The following CD3D variants were observed in gnomAD, a reference collection of about 807,000 sequenced individuals.
CD3D encodes the protein CD3 delta subunit of T-cell receptor complex.
CD3D carries 22 observed loss-of-function variants against 22.0 expected under a neutral mutation model. The observed-to-expected ratio is 1.00, with a 90% confidence interval of 0.71 to 1.43. The LOEUF (loss-of-function observed/expected upper bound fraction) is 1.43, where lower values mean the gene tolerates loss of function less well. CD3D is among the 40% of genes most tolerant of loss of function. The pLI is 0.00. For missense variants in CD3D, 205 were observed against 211.7 expected (o/e 0.97, Z 0.20); for synonymous variants, 74 against 81.2 (o/e 0.91, Z 0.48).
chr11:118,342,327 T>C lies in CD3D; in HGVS notation c.55+226A>G, dbSNP rs141588734. 7.9e-4 allele frequency among the ~76,000 whole-genome samples: 120 copies of C among 152,222 alleles called. 1 individual carries two copies. The highest frequency in any genetic ancestry group is 2.8e-3 in the African/African-American group (118 of 41,526). ...CTGGGACTACAGTTGTGCACCACCA[T>C]GCCTGGCTAATTCTTTTGTTTTTTG... On this transcript the variant is annotated intron_variant, in intron 1 of 4. Coordinates refer to ENST00000300692, the MANE Select transcript of CD3D (RefSeq NM_000732.6).
rs572315717 is a variant in CD3D, at chr11:118,340,393, C to T, written c.256G>A (p.Val86Met). The change falls in exon 2 of 5, where the codon GTG becomes ATG. Residue 86 changes from valine to methionine, a missense_variant. Coordinates refer to ENST00000300692, the MANE Select transcript of CD3D (RefSeq NM_000732.6). ...CACGTACTTCGATAATGAACTTGCA[C>T]GGTAGATTCTTTGTCCTTGTATATA... Reference protein sequence around the residue: ...TDIYKDKESTVQVHYRMCQSC... With the variant: ...TDIYKDKESTMQVHYRMCQSC... 1.7e-5 allele frequency: 27 copies of T among 1,613,814 alleles called. No homozygotes were observed. The highest frequency in any genetic ancestry group is 9.9e-5 in the South Asian group (9 of 91,070).
In CD3D at chr11:118,339,083, A is replaced by C. The variant is rs1199405446; in HGVS notation, c.*79T>G. 7.9e-7 allele frequency: 1 copy of C among 1,266,350 alleles called. No individual in the cohort carries two copies. Among genetic ancestry groups the C allele is most frequent in the Non-Finnish European group, 1.2e-6 (1 of 862,932 alleles). The allele number at this position is 1,266,350 out of a possible 1,614,324, so 78.4% of individuals were successfully genotyped here. On this transcript the variant is annotated 3_prime_UTR_variant, in exon 5 of 5. Transcript: ENST00000300692. Reference sequence around the variant, plus strand: ...GAAGCCCAGGCACCTGCTGAGTGAAAGAGGATATATTTATTGGCTGAGCAA... The same window carrying C: ...GAAGCCCAGGCACCTGCTGAGTGAACGAGGATATATTTATTGGCTGAGCAA...
chr11:118,340,913 G>A (rs906694784), intron 1 of CD3D: 3 of 571,220 alleles, frequency 5.3e-6, no homozygotes, highest in Admixed American at 2.2e-5. Context: ...AGTAGGGGGA[G>A]CACGGACCAC....
chr11:118,342,047 C>A (rs76514660), intron 1 of CD3D, among the ~76,000 whole-genome samples: 1,892 of 152,250 alleles, frequency 0.012, 42 homozygotes, highest in African/African-American at 0.043. Flanking sequence ...CATTCTAGGC[C>A]CACATGCACC....
chr11:118,339,002 A>G, downstream of CD3D: 1 of 742,478 alleles, frequency 1.3e-6, no homozygotes, highest in South Asian at 1.4e-5. Context: ...GGTAGGTAGG[A>G]GGGCGAGATC....
rs201512190 is a variant in CD3D at position 118,342,698 on chromosome 11, C to T, written c.-91G>A. 9.3e-7 allele frequency: 1 copy of T among 1,071,916 alleles called. No individual in the cohort carries two copies. The highest frequency in any genetic ancestry group is 1.6e-5 in the African/African-American group (1 of 64,138). The allele number at this position is 1,071,916 out of a possible 1,614,324, so 66.4% of individuals were successfully genotyped here. On this transcript the variant is annotated 5_prime_UTR_variant, in exon 1 of 5. Transcript: ENST00000300692. ...CCCTCCCCTAGCTGACTCACAGGTACCGGAAAGAGGAGAGTGGGGGAGGAA... is the reference window on the plus strand; with the variant it reads ...CCCTCCCCTAGCTGACTCACAGGTATCGGAAAGAGGAGAGTGGGGGAGGAA...
At position 118,339,770 on chromosome 11, in the gene CD3D, C is replaced by T. The variant is rs201527689; in HGVS notation, c.406+5G>A. On this transcript the variant is annotated splice_donor_5th_base_variant and intron_variant, in intron 3 of 4. Transcript: ENST00000300692. Reference sequence around the variant, plus strand: ...CACACTCTCATGCTCTGCTCTTCCACTAACCCCCAGACAGCCTTCCAGTCT... The same window carrying T: ...CACACTCTCATGCTCTGCTCTTCCATTAACCCCCAGACAGCCTTCCAGTCT... The T allele has an allele frequency of 5.8e-5, 93 of 1,613,532 alleles. No homozygotes were observed. Among genetic ancestry groups the T allele is most frequent in the Non-Finnish European group, 7.7e-5 (91 of 1,179,946 alleles).
At position 118,342,575 on chromosome 11, in the gene CD3D, T is replaced by A; in HGVS notation, c.33A>T (p.Val11=). Residue 11 remains valine, a synonymous_variant, in exon 1 of 5, where the codon GTA becomes GTT. Transcript: ENST00000300692. MEHSTFLSGL[V]LATLLSQVSP... ...TACCTTGCGAGAGAAGGGTAGCCAGTACCAGGCCAGAGAGAAACGTGCTAT... is the reference window on the plus strand; with the variant it reads ...TACCTTGCGAGAGAAGGGTAGCCAGAACCAGGCCAGAGAGAAACGTGCTAT... 4 of 1,613,712 alleles carry A rather than the reference T, an allele frequency of 2.5e-6. No homozygotes were observed. Among genetic ancestry groups the A allele is most frequent in the Non-Finnish European group, 2.5e-6 (3 of 1,179,752 alleles).
rs960253005 is a variant in CD3D, at chr11:118,340,428, T to C, written c.221A>G (p.Asn74Ser). Residue 74 changes from asparagine (N) to serine (S), a missense_variant, in exon 2 of 5, where the codon AAT becomes AGT. By Grantham distance (46) the Asn-to-Ser change is conservative. Coordinates refer to ENST00000300692, the MANE Select transcript of CD3D (RefSeq NM_000732.6). ...ILDPRGIYRC[N>S]GTDIYKDKES... ...TTTGTCCTTGTATATATCTGTCCCA[T>C]TACACCTATATATTCCTCGTGGGTC... 3.1e-6 allele frequency: 5 copies of C among 1,614,088 alleles called. No homozygotes were observed. Among genetic ancestry groups the C allele is most frequent in the Non-Finnish European group, 3.4e-6 (4 of 1,179,944 alleles).
chr11:118,340,904 G>A (rs1948294635), intron 1 of CD3D: 1 of 582,726 alleles, frequency 1.7e-6, no homozygotes, highest in Non-Finnish European at 3.2e-6. Context: ...CTGATGAGGA[G>A]TAGGGGGAGC....
chr11:118,338,996 G>A, downstream of CD3D: 1 of 725,674 alleles, frequency 1.4e-6, no homozygotes, highest in Non-Finnish European at 2.6e-6. Context: ...GAAACAGGTA[G>A]GTAGGAGGGC....
chr11:118,342,599 A>G lies in CD3D; in HGVS notation c.9T>C (p.His3=). ME[H]STFLSGLVLA... ...GTACCAGGCCAGAGAGAAACGTGCT[A>G]TGTTCCATCTCCCAGCGGAACTCAT... The change falls in exon 1 of 5, where the codon CAT becomes CAC. Residue 3 remains histidine, a synonymous_variant. Transcript: ENST00000300692. The G allele has an allele frequency of 1.9e-6, 3 of 1,613,724 alleles. No individual in the cohort carries two copies. The highest frequency in any genetic ancestry group is 2.2e-5 in the East Asian group (1 of 44,876).
Position 118,339,794 on chromosome 11 carries a change from C to G in CD3D, c.387G>C (p.Glu129Asp). The change falls in exon 3 of 5, where the codon GAG becomes GAC. Residue 129 changes from glutamate to aspartate, a missense_variant. Glu to Asp is a conservative substitution (Grantham distance 45). Transcript: ENST00000300692. ...ALGVFCFAGH[E>D]TGRLSGAADT... ...ACTAACCCCCAGACAGCCTTCCAGTCTCATGTCCAGCAAAGCAGAAGACTC... is the reference window on the plus strand; with the variant it reads ...ACTAACCCCCAGACAGCCTTCCAGTGTCATGTCCAGCAAAGCAGAAGACTC... 1 of 1,613,808 alleles carries G rather than the reference C, an allele frequency of 6.2e-7. No individual in the cohort carries two copies. Among genetic ancestry groups the G allele is most frequent in the Non-Finnish European group, 8.5e-7 (1 of 1,179,990 alleles).
chr11:118,339,385 C>T, intron 4 of CD3D, 66 bp downstream of exon 4: 2 of 1,574,958 alleles, frequency 1.3e-6, no homozygotes, highest in Non-Finnish European at 1.7e-6. Flanking sequence ...AAACAGCATT[C>T]AGTGTGAGCC....
intron 4 of CD3D, 52 bp downstream of exon 4, chr11:118,339,399 C>T: frequency 1.2e-6 from 2 of 1,600,528 alleles, no homozygotes; most frequent in Non-Finnish European, 1.7e-6. Flanking sequence ...GTGAGCCTCT[C>T]TATCCCCACT....
intron 1 of CD3D, among the ~76,000 whole-genome samples, chr11:118,342,329 C>T (rs1278072200): frequency 1.3e-5 from 2 of 152,086 alleles, no homozygotes; most frequent in African/African-American, 4.8e-5. Context: ...CACCACCATG[C>T]CTGGCTAATT....
chr11:118,341,613 G>A (rs757665005), intron 1 of CD3D, among the ~76,000 whole-genome samples: 2 of 152,110 alleles, frequency 1.3e-5, no homozygotes, highest in East Asian at 3.9e-4. Flanking sequence ...CTACAGTCGC[G>A]TCCTCTTCAG....
intron 1 of CD3D, among the ~76,000 whole-genome samples, chr11:118,341,833 C>A (rs901509663): frequency 6.6e-6 from 1 of 152,216 alleles, no homozygotes; most frequent in African/African-American, 2.4e-5. Flanking sequence ...AAGTTAACTT[C>A]TCTTAAAGCA....
chr11:118,342,253 C>G (rs1948305779), intron 1 of CD3D, among the ~76,000 whole-genome samples: 1 of 151,888 alleles, frequency 6.6e-6, no homozygotes, highest in Non-Finnish European at 1.5e-5. Flanking sequence ...TCACTGAAGC[C>G]TTGAAATCCC....
Sources: allele counts gnomAD v4.1 joint callset (sites outside exome capture counted in the v4.1 genomes callset), GRCh38; gene constraint gnomAD v4.1.1; transcripts MANE v1.5; gene names NCBI Gene and HGNC (gene_info 2026-07-23, HGNC 2026-07-21).